The following CDH4 variants were observed in gnomAD, a reference collection of about 807,000 sequenced individuals.
CDH4 encodes cadherin 4.
CDH4 carries 33 observed loss-of-function variants against 86.0 expected under a neutral mutation model. That is an observed-to-expected ratio of 0.38 (90% confidence interval 0.29 to 0.51). The LOEUF (loss-of-function observed/expected upper bound fraction) is 0.51. CDH4 is among the 20% of genes least tolerant of loss of function. CDH4 has a pLI of 0.86. For synonymous variants in CDH4, 555 were observed against 549.4 expected, an observed-to-expected ratio of 1.01 and a Z score of -0.14; for missense variants, 1,114 against 1,307.4, an observed-to-expected ratio of 0.85 and a Z score of 2.28.
chr20:61,621,984 G>T (rs930723736), intron 2 of CDH4, among the ~76,000 whole-genome samples: 2 of 152,198 alleles, frequency 1.3e-5, no homozygotes, highest in East Asian at 1.9e-4. Context: ...TAGGAAGCAT[G>T]CTCTGCAGGT....
chr20:61,449,642 T>TA (rs67009027), intron 2 of CDH4, among the ~76,000 whole-genome samples: 21 of 151,726 alleles, frequency 1.4e-4, no homozygotes, highest in South Asian at 4.2e-4. Flanking sequence ...GGTAGAGAAT[T>TA]AAAAAAAAAA....
At chr20:61,363,945 G>T (rs2084797741) in intron 2 of CDH4, among the ~76,000 whole-genome samples, 1 of 152,196 alleles carries the variant, frequency 6.6e-6, no homozygotes, top group South Asian at 2.1e-4. Context: ...GGCATTTTCA[G>T]CTTGGGATAT....
intron 4 of CDH4, among the ~76,000 whole-genome samples, chr20:61,842,005 T>C (rs1308843080): frequency 4.6e-5 from 7 of 152,230 alleles, no homozygotes; most frequent in Admixed American, 4.6e-4. Context: ...AAATGCGAAA[T>C]GCTGGCTTAA....
At chr20:61,431,925 G>A (rs1438175774) in intron 2 of CDH4, among the ~76,000 whole-genome samples, 3 of 152,124 alleles carry the variant, frequency 2.0e-5, no homozygotes, top group Non-Finnish European at 4.4e-5. Context: ...TTCTTGCACC[G>A]ATACATGGAT....
chr20:61,843,707 AT>A (rs992037816), intron 4 of CDH4, among the ~76,000 whole-genome samples: 3 of 147,318 alleles, frequency 2.0e-5, no homozygotes, highest in African/African-American at 7.5e-5. Context: ...AAAAAAAAAA[AT>A]TCCTGTTCCA....
chr20:61,399,471 C>A lies in CDH4; in HGVS notation c.169+144534C>A, dbSNP rs1189820357. Among the ~76,000 whole-genome samples, 4 of 152,296 alleles carry A rather than the reference C, an allele frequency of 2.6e-5. No homozygotes were observed. In the East Asian group the frequency reaches 7.7e-4, roughly 29 times the overall value. On this transcript the variant is annotated intron_variant, in intron 2 of 15. Transcript: ENST00000614565. Reference sequence around the variant, plus strand: ...AAAAAGATTTTTTATTGGAAAATTTCAAACGTACCCAAAGGTAGAGAGCAT... The same window carrying A: ...AAAAAGATTTTTTATTGGAAAATTTAAAACGTACCCAAAGGTAGAGAGCAT...
intron 2 of CDH4, among the ~76,000 whole-genome samples, chr20:61,546,656 G>A (rs2086089420): frequency 1.3e-5 from 2 of 151,962 alleles, no homozygotes; most frequent in African/African-American, 2.4e-5. Context: ...GGGCTTGTGT[G>A]TGGTTTACAT....
intron 3 of CDH4, among the ~76,000 whole-genome samples, chr20:61,764,859 G>A (rs1204846808): frequency 2.6e-5 from 4 of 152,312 alleles, no homozygotes; most frequent in South Asian, 2.1e-4. Flanking sequence ...CATGCAGGTC[G>A]CAGGGCCCAG....
chr20:61,682,401 T>G (rs1219768351), intron 2 of CDH4, among the ~76,000 whole-genome samples: 2 of 110,240 alleles, frequency 1.8e-5, no homozygotes, highest in African/African-American at 7.2e-5. Context: ...GATAGATGGA[T>G]GGACAGAGGG....
intron 7 of CDH4, among the ~76,000 whole-genome samples, chr20:61,892,196 T>C (rs1740362): frequency 0.9 from 137,611 of 152,098 alleles, 62,808 homozygotes; most frequent in Non-Finnish European, 0.94. Context: ...GTGATGCACT[T>C]AAAGCCCGTT....
intron 2 of CDH4, among the ~76,000 whole-genome samples, chr20:61,281,580 G>A (rs1467999474): frequency 6.6e-6 from 1 of 152,224 alleles, no homozygotes; most frequent in Non-Finnish European, 1.5e-5. Flanking sequence ...CTGGTGGTCT[G>A]AGGTCCGTCC....
chr20:61,674,981 G>T (rs1248453754), intron 2 of CDH4, among the ~76,000 whole-genome samples: 1 of 152,172 alleles, frequency 6.6e-6, no homozygotes, highest in African/African-American at 2.4e-5. Flanking sequence ...ATTAGAAAGA[G>T]ACATTGTGGC....
At chr20:61,386,138 T>C (rs1195674005) in intron 2 of CDH4, among the ~76,000 whole-genome samples, 3 of 152,202 alleles carry the variant, frequency 2.0e-5, no homozygotes, top group Non-Finnish European at 4.4e-5. Context: ...GACCCCTGTC[T>C]CATTGTTCGC....
intron 2 of CDH4, among the ~76,000 whole-genome samples, chr20:61,419,094 A>G (rs983020570): frequency 6.6e-6 from 1 of 152,132 alleles, no homozygotes; most frequent in Non-Finnish European, 1.5e-5. Context: ...CCACTGTTCA[A>G]CCATGACAGT....
rs1480743003 is a variant in CDH4, at chr20:61,681,178, C to G, written c.170-62385C>G. Among the ~76,000 whole-genome samples, 1 of 152,198 alleles carries G rather than the reference C, an allele frequency of 6.6e-6. No homozygotes were observed. Among genetic ancestry groups the G allele is most frequent in the African/African-American group, 2.4e-5 (1 of 41,446 alleles). On this transcript the variant is annotated intron_variant, in intron 2 of 15. Transcript: ENST00000614565. The surrounding 1 kb of genome is among the most constrained non-coding windows in gnomAD (Gnocchi z 4.5). Reference sequence around the variant, plus strand: ...AGGGTAAAACACCCGCCCTCACGTCCTAATGGCTTTTTTTCTCTTTCAGCC... The same window carrying G: ...AGGGTAAAACACCCGCCCTCACGTCGTAATGGCTTTTTTTCTCTTTCAGCC...
chr20:61,870,994 G>GT (rs1441425976), intron 6 of CDH4, among the ~76,000 whole-genome samples: 2 of 152,036 alleles, frequency 1.3e-5, no homozygotes, highest in African/African-American at 2.4e-5. Context: ...ACGCACCAGT[G>GT]TATTTATCCT....
chr20:61,566,774 G>A (rs919363539), intron 2 of CDH4, among the ~76,000 whole-genome samples: 21 of 152,090 alleles, frequency 1.4e-4, no homozygotes, highest in Non-Finnish European at 1.9e-4. Context: ...CGATTCTACC[G>A]GGAGAAAGGG....
At chr20:61,528,108 G>A (rs2085923973) in intron 2 of CDH4, among the ~76,000 whole-genome samples, 1 of 152,096 alleles carries the variant, frequency 6.6e-6, no homozygotes, top group Non-Finnish European at 1.5e-5. Context: ...GGGTGTGGTG[G>A]CTCACGCCTG....
chr20:61,668,235 TG>T (rs2087348758), intron 2 of CDH4, among the ~76,000 whole-genome samples: 1 of 152,192 alleles, frequency 6.6e-6, no homozygotes, highest in Non-Finnish European at 1.5e-5. Context: ...CGGGAGGAGC[TG>T]GAAGCTGTAG....
Sources: allele counts gnomAD v4.1 joint callset (sites outside exome capture counted in the v4.1 genomes callset), GRCh38; gene constraint gnomAD v4.1.1; non-coding constraint Gnocchi (gnomAD v3.1); transcripts MANE v1.5; gene names NCBI Gene and HGNC (gene_info 2026-07-23, HGNC 2026-07-21).